L3MBTL4: variants seen among roughly 807,000 people sequenced by gnomAD.
L3MBTL4 encodes lethal(3)malignant brain tumor-like protein 4.
Under a neutral mutation model 84.5 loss-of-function variants are expected in L3MBTL4, and 70 were observed. That is an observed-to-expected ratio of 0.83 (90% confidence interval 0.68 to 1.01). The LOEUF is 1.01. L3MBTL4 is among the 50% of genes least tolerant of loss of function. The pLI is 0.00. For synonymous variants in L3MBTL4, 274 were observed against 259.8 expected, an observed-to-expected ratio of 1.05 and a Z score of -0.52; for missense variants, 715 against 754.8, an observed-to-expected ratio of 0.95 and a Z score of 0.62.
intron 14 of L3MBTL4, among the ~76,000 whole-genome samples, chr18:6,117,737 C>T (rs2059401035): frequency 1.3e-5 from 2 of 152,128 alleles, no homozygotes; most frequent in African/African-American, 4.8e-5. Context: ...ACAACAGAAA[C>T]CCAATATTTG....
chr18:6,014,029 G>A (rs7236260), intron 16 of L3MBTL4, among the ~76,000 whole-genome samples: 72,993 of 151,964 alleles, frequency 0.48, 19,983 homozygotes, highest in Non-Finnish European at 0.65. Context: ...TTCTCTTCTA[G>A]TTCAAGGTCA....
intron 16 of L3MBTL4, among the ~76,000 whole-genome samples, chr18:5,981,974 C>CTGTA (rs1555622567): frequency 7.3e-6 from 1 of 137,430 alleles, no homozygotes; most frequent in East Asian, 2.1e-4. Context: ...TTTCAATATT[C>CTGTA]TGTGTGTGTG....
intron 16 of L3MBTL4, among the ~76,000 whole-genome samples, chr18:6,047,222 CCAA>C (rs2056660450): frequency 6.6e-6 from 1 of 152,114 alleles, no homozygotes. Flanking sequence ...CTTGAGCAGA[CCAA>C]CATCTAGTCC....
chr18:6,122,663 T>A (rs888109212), intron 14 of L3MBTL4, among the ~76,000 whole-genome samples: 1 of 152,220 alleles, frequency 6.6e-6, no homozygotes. Flanking sequence ...GTCTTGGGTA[T>A]GTCTTTATCA....
At position 5,955,629 on chromosome 18, in the gene L3MBTL4, C is replaced by T. The variant is rs1314654266; in HGVS notation, c.*591G>A. On this transcript the variant is annotated 3_prime_UTR_variant, in exon 19 of 19. Coordinates refer to ENST00000317931, the MANE Select transcript of L3MBTL4 (RefSeq NM_001330559.2). Reference sequence around the variant, plus strand: ...CACAACCAAGAAATGGTTAATGGAACAAAAAGGAGAATTAATGAATCATGA... The same window carrying T: ...CACAACCAAGAAATGGTTAATGGAATAAAAAGGAGAATTAATGAATCATGA... The T allele has an allele frequency of 6.6e-6, 1 of 152,064 alleles. No homozygotes were observed. The highest frequency in any genetic ancestry group is 2.4e-5 in the African/African-American group (1 of 41,414). 9.4% of individuals were successfully genotyped at this position (152,064 alleles called of 1,614,324 possible).
intron 14 of L3MBTL4, among the ~76,000 whole-genome samples, chr18:6,137,170 TCTCCTCCGGGTCCAG>T (rs750115342): frequency 2.6e-5 from 4 of 152,180 alleles, no homozygotes; most frequent in Non-Finnish European, 5.9e-5. Flanking sequence ...GACTAAGACA[TCTCCTCCGGGTCCAG>T]CTCCACATTC....
intron 16 of L3MBTL4, among the ~76,000 whole-genome samples, chr18:5,992,630 G>A (rs889371253): frequency 1.3e-5 from 2 of 152,156 alleles, no homozygotes; most frequent in African/African-American, 4.8e-5. Flanking sequence ...TGAGCGGCTT[G>A]GGCCATCCCC....
chr18:6,312,421 C>T (rs1002895224), intron 1 of L3MBTL4, among the ~76,000 whole-genome samples: 1 of 152,122 alleles, frequency 6.6e-6, no homozygotes, highest in South Asian at 2.1e-4. Flanking sequence ...TGCAACTGAG[C>T]TCATCTCCCT....
At chr18:5,961,337 G>GT (rs1331775072) in intron 17 of L3MBTL4, among the ~76,000 whole-genome samples, 75 of 152,198 alleles carry the variant, frequency 4.9e-4, no homozygotes, top group Non-Finnish European at 9.8e-4. Context: ...CTGATCCCAG[G>GT]TGACAGAGCA....
chr18:6,104,916 A>G (rs2058951950), intron 14 of L3MBTL4, among the ~76,000 whole-genome samples: 1 of 152,182 alleles, frequency 6.6e-6, no homozygotes, highest in Non-Finnish European at 1.5e-5. Flanking sequence ...GAGTTTGTAA[A>G]GCAATATTGT....
At chr18:6,388,694 A>C (rs543822549) in intron 1 of L3MBTL4, among the ~76,000 whole-genome samples, 32 of 152,358 alleles carry the variant, frequency 2.1e-4, no homozygotes, top group African/African-American at 7.0e-4. Flanking sequence ...GTAATTAACA[A>C]AACATTCATG....
At chr18:6,355,618 T>G (rs1421815353) in intron 1 of L3MBTL4, among the ~76,000 whole-genome samples, 1 of 152,160 alleles carries the variant, frequency 6.6e-6, no homozygotes, top group Non-Finnish European at 1.5e-5. Flanking sequence ...GAAAATGGAA[T>G]TGTTCTAAAT....
chr18:6,115,327 C>T (rs2059324617), intron 14 of L3MBTL4, among the ~76,000 whole-genome samples: 1 of 152,108 alleles, frequency 6.6e-6, no homozygotes, highest in African/African-American at 2.4e-5. Flanking sequence ...TGGGCATGAA[C>T]TAAAGCACAG....
chr18:6,042,132 G>A (rs1191539216), intron 16 of L3MBTL4, among the ~76,000 whole-genome samples: 2 of 152,140 alleles, frequency 1.3e-5, no homozygotes, highest in African/African-American at 2.4e-5. Flanking sequence ...ATGCTTTACA[G>A]AGAAAATAGA....
At chr18:6,215,153 G>C (rs1158150696) in intron 11 of L3MBTL4, among the ~76,000 whole-genome samples, 1 of 152,114 alleles carries the variant, frequency 6.6e-6, no homozygotes, top group Non-Finnish European at 1.5e-5. Context: ...ACAGAGAACT[G>C]AAAGGGAATA....
chr18:6,408,073 G>A (rs2055809147), intron 1 of L3MBTL4, among the ~76,000 whole-genome samples: 1 of 152,034 alleles, frequency 6.6e-6, no homozygotes, highest in Non-Finnish European at 1.5e-5. Context: ...CATTAGACAA[G>A]GAGTAAAAAA....
chr18:6,272,446 C>G (rs9967307), intron 4 of L3MBTL4, among the ~76,000 whole-genome samples: 3,101 of 16,716 alleles, frequency 0.19, 117 homozygotes, highest in Non-Finnish European at 0.23. Flanking sequence ...GAACACAGAA[C>G]AGTTCTGACA....
At chr18:6,309,832 C>T (rs948832395) in intron 3 of L3MBTL4, among the ~76,000 whole-genome samples, 17 of 152,210 alleles carry the variant, frequency 1.1e-4, no homozygotes, top group African/African-American at 3.6e-4. Context: ...ATATAAAATA[C>T]ATGTGGATGG....
intron 1 of L3MBTL4, among the ~76,000 whole-genome samples, chr18:6,408,626 T>A (rs538547862): frequency 6.6e-6 from 1 of 152,176 alleles, no homozygotes; most frequent in South Asian, 2.1e-4. Flanking sequence ...AAGGGGATTT[T>A]CTCACTATTT....
Sources: allele counts gnomAD v4.1 joint callset (sites outside exome capture counted in the v4.1 genomes callset), GRCh38; gene constraint gnomAD v4.1.1; transcripts MANE v1.5; gene names NCBI Gene and HGNC (gene_info 2026-07-23, HGNC 2026-07-21).